The following PRELID2 variants were observed in gnomAD, a reference collection of about 807,000 sequenced individuals.
PRELID2 encodes PRELI domain containing 2.
PRELID2 carries 25 observed loss-of-function variants against 28.4 expected under a neutral mutation model. That is an observed-to-expected ratio of 0.88 (90% CI 0.64 to 1.23). The LOEUF (loss-of-function observed/expected upper bound fraction) is 1.23, where lower values mean the gene tolerates loss of function less well. Ranked by LOEUF, PRELID2 falls within the 50% of genes most tolerant of loss-of-function variation. PRELID2 has a pLI of 0.00. For synonymous variants in PRELID2, 76 were observed against 71.6 expected (o/e 1.06, Z -0.31); for missense variants, 201 against 214.4 (o/e 0.94, Z 0.39).
chr5:145,371,886 T>TAAAA, the PRELID2 span, among the ~76,000 whole-genome samples: 4 of 141,836 alleles, frequency 2.8e-5, no homozygotes, highest in African/African-American at 1.0e-4. Context: ...TTTGTTAATT[T>TAAAA]AAAAAAAAAA....
At chr5:145,624,983 A>G (rs1020705940) in intron 1 of PRELID2, among the ~76,000 whole-genome samples, 5 of 152,172 alleles carry the variant, frequency 3.3e-5, no homozygotes, top group African/African-American at 1.2e-4. Flanking sequence ...TAAGACAACA[A>G]TCAACCTCAT....
At chr5:145,796,668 T>C in intron 4 of PRELID2, 121 bp from the exon 5 acceptor site, 2 of 458,876 alleles carry the variant, frequency 4.4e-6, no homozygotes, top group East Asian at 7.1e-5. Context: ...CCTTAATAAT[T>C]CAATAACTAC....
At chr5:145,367,074 T>C in the PRELID2 span, among the ~76,000 whole-genome samples, 1 of 151,852 alleles carries the variant, frequency 6.6e-6, no homozygotes, top group African/African-American at 2.4e-5. Context: ...TCTTCTTACC[T>C]CAAAGCTTTC....
At chr5:145,597,303 A>C (rs2149635253) in intron 1 of PRELID2, among the ~76,000 whole-genome samples, 1 of 152,252 alleles carries the variant, frequency 6.6e-6, no homozygotes, top group South Asian at 2.1e-4. Context: ...TCCCTAGAAA[A>C]GGTAGTACCC....
chr5:145,473,880 A>C (rs1234879693), intron 1 of PRELID2, among the ~76,000 whole-genome samples: 1 of 152,208 alleles, frequency 6.6e-6, no homozygotes, highest in African/African-American at 2.4e-5. Context: ...TATATACAAC[A>C]ACAGTTTACA....
At chr5:145,543,610 T>C (rs1444222073) in intron 1 of PRELID2, among the ~76,000 whole-genome samples, 2 of 152,148 alleles carry the variant, frequency 1.3e-5, no homozygotes, top group South Asian at 4.1e-4. Context: ...TTTCTTTCTC[T>C]GAAAGAACAG....
chr5:145,741,087 A>C (rs1393490400), intron 1 of PRELID2, among the ~76,000 whole-genome samples: 2 of 118,478 alleles, frequency 1.7e-5, no homozygotes, highest in Non-Finnish European at 3.2e-5. Context: ...TAAATAAAAT[A>C]AATATACATA....
At chr5:145,492,289 T>A (rs1484480408) in intron 1 of PRELID2, among the ~76,000 whole-genome samples, 1 of 152,276 alleles carries the variant, frequency 6.6e-6, no homozygotes, top group East Asian at 1.9e-4. Flanking sequence ...TGTTGAGAAT[T>A]TTTTCATATA....
intron 1 of PRELID2, among the ~76,000 whole-genome samples, chr5:145,603,500 A>G (rs997369058): frequency 2.0e-5 from 3 of 152,120 alleles, no homozygotes; most frequent in Admixed American, 2.0e-4. Flanking sequence ...AAACAAAGAC[A>G]TTTTTCAAAC....
At chr5:145,264,645 C>T in the PRELID2 span, among the ~76,000 whole-genome samples, 1 of 151,926 alleles carries the variant, frequency 6.6e-6, no homozygotes, top group Non-Finnish European at 1.5e-5. Context: ...CTAGCCAGAA[C>T]TATCAGACAA....
chr5:145,398,259 G>C, the PRELID2 span, among the ~76,000 whole-genome samples: 7 of 152,238 alleles, frequency 4.6e-5, no homozygotes, highest in South Asian at 1.5e-3. Context: ...TGGGGCAACT[G>C]TTGGCCAAAG....
the PRELID2 span, among the ~76,000 whole-genome samples, chr5:145,245,628 T>C: frequency 6.6e-6 from 1 of 152,114 alleles, no homozygotes; most frequent in Non-Finnish European, 1.5e-5. Context: ...TCTTCTCCGC[T>C]GCCCTGAAGG....
chr5:145,605,865 C>T (rs1753496894), intron 1 of PRELID2, among the ~76,000 whole-genome samples: 1 of 151,772 alleles, frequency 6.6e-6, no homozygotes, highest in Non-Finnish European at 1.5e-5. Context: ...AGCGGGATGG[C>T]CATTTTTAAA....
At chr5:145,819,363 A>G (rs1754595002) in intron 3 of PRELID2, 2 of 1,576,916 alleles carry the variant, frequency 1.3e-6, no homozygotes, top group African/African-American at 2.7e-5. Context: ...CAATGTGATT[A>G]AAAATTTCCA....
chr5:145,637,741 G>A (rs1754022897), intron 1 of PRELID2, among the ~76,000 whole-genome samples: 1 of 152,020 alleles, frequency 6.6e-6, no homozygotes. Context: ...ACACACACAT[G>A]GGAAGTGGGA....
chr5:145,541,475 G>A (rs1209378421), intron 1 of PRELID2, among the ~76,000 whole-genome samples: 4 of 152,016 alleles, frequency 2.6e-5, no homozygotes, highest in African/African-American at 4.8e-5. Flanking sequence ...CAGGCTACAT[G>A]GAACCACAGT....
chr5:145,652,776 G>T (rs1162927905), intron 1 of PRELID2, among the ~76,000 whole-genome samples: 1 of 152,174 alleles, frequency 6.6e-6, no homozygotes, highest in Non-Finnish European at 1.5e-5. Flanking sequence ...GGAACAACCA[G>T]TACCAGCCAC....
intron 1 of PRELID2, among the ~76,000 whole-genome samples, chr5:145,620,558 C>T (rs1753760280): frequency 6.6e-6 from 1 of 152,130 alleles, no homozygotes; most frequent in African/African-American, 2.4e-5. Flanking sequence ...TATAAAACTT[C>T]TCTAAAAAAT....
the PRELID2 span, among the ~76,000 whole-genome samples, chr5:145,320,639 C>G: frequency 6.6e-6 from 1 of 152,052 alleles, no homozygotes; most frequent in Non-Finnish European, 1.5e-5. Flanking sequence ...GTCTGTATTG[C>G]TATAATGCTG....
Sources: gnomAD v4.1 joint callset for allele counts (sites outside exome capture counted in the v4.1 genomes callset) on GRCh38, gnomAD v4.1.1 for gene constraint, MANE v1.5 for transcripts, NCBI Gene and HGNC (gene_info 2026-07-23, HGNC 2026-07-21) for gene names.